The following RNF130 variants were observed in gnomAD, a reference collection of about 807,000 sequenced individuals.
RNF130 encodes ring finger protein 130.
A neutral mutation model predicts 44.6 loss-of-function variants in RNF130; 21 were observed. The ratio of observed to expected loss-of-function variants is 0.47; its 90% confidence interval spans 0.33 to 0.68. RNF130 has a LOEUF of 0.68. Among genes scored for constraint, RNF130 ranks in the 30% least tolerant of loss-of-function variants. The pLI, the probability that RNF130 is intolerant of heterozygous loss-of-function variation, is 0.02. For missense variants in RNF130, 479 were observed against 560.6 expected (o/e 0.85, Z 1.47); for synonymous variants, 214 against 210.4 (o/e 1.02, Z -0.15).
chr5:179,980,142 T>C lies in RNF130; in HGVS notation c.752A>G (p.Lys251Arg). 1 of 1,614,128 alleles carries C rather than the reference T, an allele frequency of 6.2e-7. No homozygotes were observed. The highest frequency in any genetic ancestry group is 8.5e-7 in the Non-Finnish European group (1 of 1,179,964). The change falls in exon 4 of 9, where the codon AAG becomes AGG. Residue 251 changes from lysine to arginine, a missense_variant. Around this residue, in one of 3 missense-constraint regions of RNF130, gnomAD observed 180 missense variants for 275.1 expected, o/e 0.65. Transcript: ENST00000521389. ...TCATGACTGTACCTTGTCACCCTTC[T>C]TTACTGTCCTGGTTGTCAATTTACT... ...AISKLTTRTV[K>R]KGDKETDPDF...
At chr5:180,065,396 A>G (rs13354862) in intron 1 of RNF130, among the ~76,000 whole-genome samples, 17,693 of 152,160 alleles carry the variant, frequency 0.12, 2,269 homozygotes, top group African/African-American at 0.33. Context: ...ATGGCTGTGT[A>G]ACACTCCACT....
intron 6 of RNF130, among the ~76,000 whole-genome samples, chr5:179,968,730 C>G: frequency 6.6e-6 from 1 of 151,046 alleles, no homozygotes. Context: ...ATGGCAGATG[C>G]TCTATGTTAG....
chr5:179,930,474 C>T (rs1042335246), intron 7 of RNF130, among the ~76,000 whole-genome samples: 124 of 152,254 alleles, frequency 8.1e-4, no homozygotes, highest in African/African-American at 2.9e-3. Context: ...TACATGTAAT[C>T]GTTTTCTCTG....
intron 6 of RNF130, among the ~76,000 whole-genome samples, chr5:179,969,334 C>G (rs1287871546): frequency 1.3e-5 from 2 of 151,816 alleles, no homozygotes; most frequent in Non-Finnish European, 2.9e-5. Flanking sequence ...GGGCTCCAGT[C>G]ACTGCCTGCC....
At chr5:179,958,417 G>A (rs1388289161) in intron 8 of RNF130, among the ~76,000 whole-genome samples, 1 of 152,156 alleles carries the variant, frequency 6.6e-6, no homozygotes, top group Non-Finnish European at 1.5e-5. Context: ...TAGAAAGTCT[G>A]AAAAACACTG....
At chr5:179,933,585 A>C (rs1188857563) in intron 7 of RNF130, among the ~76,000 whole-genome samples, 1 of 150,560 alleles carries the variant, frequency 6.6e-6, no homozygotes, top group Non-Finnish European at 1.5e-5. Flanking sequence ...GCAGTGGTGC[A>C]ATCATGGCTC....
chr5:180,040,353 T>C (rs1764377855), intron 2 of RNF130, 100 bp downstream of exon 2: 1 of 1,077,166 alleles, frequency 9.3e-7, no homozygotes, highest in Non-Finnish European at 1.4e-6. Context: ...AATAGGATTA[T>C]GTTGGAAATT....
chr5:179,946,776 G>T (rs1348015570), intron 7 of RNF130, among the ~76,000 whole-genome samples: 1 of 152,088 alleles, frequency 6.6e-6, no homozygotes, highest in African/African-American at 2.4e-5. Context: ...GGATGGTCTC[G>T]ATCTCCTGAC....
At chr5:179,963,976 A>T (rs769437127) in intron 7 of RNF130, 23 of 180,978 alleles carry the variant, frequency 1.3e-4, no homozygotes, top group Non-Finnish European at 2.3e-4. Flanking sequence ...CAGGGCTTTC[A>T]TTCTTAGTCA....
chr5:180,017,001 G>T (rs2113095772), intron 2 of RNF130, among the ~76,000 whole-genome samples: 1 of 152,296 alleles, frequency 6.6e-6, no homozygotes, highest in African/African-American at 2.4e-5. Context: ...CTGTGGTGAT[G>T]ACTTTAATAG....
chr5:179,978,136 A>C (rs1198072809), intron 5 of RNF130, 67 bp downstream of exon 5: 2 of 1,342,646 alleles, frequency 1.5e-6, no homozygotes, highest in Non-Finnish European at 2.1e-6. Flanking sequence ...GGAGATGCCC[A>C]CCCTGAAAAG....
intron 3 of RNF130, among the ~76,000 whole-genome samples, chr5:179,994,407 CT>C (rs1763157163): frequency 6.6e-6 from 1 of 152,126 alleles, no homozygotes; most frequent in South Asian, 2.1e-4. Flanking sequence ...GTTTGTAGTT[CT>C]TCTTGAAGAG....
chr5:179,990,492 T>C (rs1429274059), intron 3 of RNF130, among the ~76,000 whole-genome samples: 1 of 152,174 alleles, frequency 6.6e-6, no homozygotes, highest in Non-Finnish European at 1.5e-5. Context: ...CACAGGGAGA[T>C]GGTTAGGCCT....
chr5:179,963,344 A>G, intron 8 of RNF130, 127 bp downstream of exon 8: 1 of 681,958 alleles, frequency 1.5e-6, no homozygotes, highest in East Asian at 2.7e-5. Context: ...ATTTTGCTAG[A>G]TACGATCCCA....
chr5:179,926,155 A>G (rs2113672786), intron 7 of RNF130, among the ~76,000 whole-genome samples: 1 of 152,228 alleles, frequency 6.6e-6, no homozygotes, highest in African/African-American at 2.4e-5. Context: ...CCTCTGATAA[A>G]TGGGTTTACG....
chr5:180,052,284 G>A (rs1308296766), intron 1 of RNF130, among the ~76,000 whole-genome samples: 1 of 152,114 alleles, frequency 6.6e-6, no homozygotes, highest in Non-Finnish European at 1.5e-5. Flanking sequence ...CATGAATACT[G>A]AGCAGTCCAA....
intron 7 of RNF130, among the ~76,000 whole-genome samples, chr5:179,948,965 T>A (rs1425819588): frequency 6.8e-6 from 1 of 147,886 alleles, no homozygotes; most frequent in African/African-American, 2.5e-5. Context: ...GGAATAATTT[T>A]TTTTTTTTTT....
intron 3 of RNF130, among the ~76,000 whole-genome samples, chr5:179,982,727 G>A (rs1762866165): frequency 6.6e-6 from 1 of 152,098 alleles, no homozygotes; most frequent in South Asian, 2.1e-4. Context: ...CTACAGGGGT[G>A]CACCACCATG....
At chr5:179,976,194 C>A (rs1026495096) in intron 5 of RNF130, among the ~76,000 whole-genome samples, 3 of 152,076 alleles carry the variant, frequency 2.0e-5, no homozygotes, top group African/African-American at 7.2e-5. Context: ...AAGATAACTC[C>A]GAATGAAACT....
Sources: gnomAD v4.1 joint callset for allele counts (sites outside exome capture counted in the v4.1 genomes callset) on GRCh38, gnomAD v4.1.1 for gene constraint, gnomAD v4.1.1 regional missense constraint, MANE v1.5 for transcripts, NCBI Gene and HGNC (gene_info 2026-07-23, HGNC 2026-07-21) for gene names.